Variants in TMPRSS7 observed in about 807,000 individuals in gnomAD.
TMPRSS7 encodes the protein transmembrane protease serine 7.
TMPRSS7 carries 81 observed loss-of-function variants against 95.6 expected under a neutral mutation model. The ratio of observed to expected loss-of-function variants is 0.85; its 90% CI spans 0.71 to 1.02. The LOEUF (loss-of-function observed/expected upper bound fraction) is 1.02, where lower values mean the gene tolerates loss of function less well. Ranked by LOEUF, TMPRSS7 falls within the 50% of genes least tolerant of loss-of-function variation. The pLI is 0.00. For missense variants in TMPRSS7, 945 were observed against 955.2 expected (o/e 0.99, Z 0.14); for synonymous variants, 364 against 337.8 (o/e 1.08, Z -0.85).
At chr3:112,067,998 A>C (rs968442972) in intron 13 of TMPRSS7, among the ~76,000 whole-genome samples, 26 of 152,194 alleles carry the variant, frequency 1.7e-4, no homozygotes, top group Non-Finnish European at 7.3e-5. Context: ...ATCTGGAATT[A>C]ATTTTTGTAT....
intron 9 of TMPRSS7, 72 bp from the exon 10 acceptor site, chr3:112,056,953 C>A (rs1437791924): frequency 1.8e-5 from 20 of 1,107,282 alleles, no homozygotes; most frequent in Non-Finnish European, 2.4e-5. Flanking sequence ...CTTAAAACAA[C>A]AAGCCAAGGG....
intron 14 of TMPRSS7, 27 bp from the exon 15 acceptor site, chr3:112,075,294 A>T (rs1445743714): frequency 7.3e-7 from 1 of 1,378,676 alleles, no homozygotes; most frequent in East Asian, 2.8e-5. Flanking sequence ...GTCTACCTTT[A>T]AATCACATGC....
chr3:112,059,129 G>A (rs2073470135), intron 10 of TMPRSS7, among the ~76,000 whole-genome samples: 1 of 152,188 alleles, frequency 6.6e-6, no homozygotes, highest in Admixed American at 6.5e-5. Flanking sequence ...GCTCAGGGCA[G>A]CTGGACTACG....
chr3:112,042,519 ATCT>A (rs199910927), intron 3 of TMPRSS7, among the ~76,000 whole-genome samples: 2 of 152,352 alleles, frequency 1.3e-5, no homozygotes, highest in East Asian at 1.9e-4. Flanking sequence ...AAAAACTAAC[ATCT>A]TCTTTAATGT....
intron 10 of TMPRSS7, 103 bp from the exon 11 acceptor site, chr3:112,061,684 T>C: frequency 2.3e-6 from 3 of 1,323,700 alleles, no homozygotes; most frequent in East Asian, 5.0e-5. Flanking sequence ...GCATCTCTGT[T>C]TGTGAAAACC....
At chr3:112,067,766 C>T (rs9862316) in intron 13 of TMPRSS7, among the ~76,000 whole-genome samples, 10,554 of 152,198 alleles carry the variant, frequency 0.069, 471 homozygotes, top group Non-Finnish European at 0.11. Context: ...AACATTTTCT[C>T]CCATTCTGTA....
At chr3:112,056,939 T>C in intron 9 of TMPRSS7, 86 bp from the exon 10 acceptor site, 2 of 896,498 alleles carry the variant, frequency 2.2e-6, no homozygotes, top group Non-Finnish European at 3.5e-6. Flanking sequence ...GCAAGTAGAA[T>C]GGCCTTAAAA....
chr3:112,034,748 T>G, upstream of TMPRSS7: 1 of 674,966 alleles, frequency 1.5e-6, no homozygotes, highest in Non-Finnish European at 2.7e-6. Flanking sequence ...CTAGCTTGAA[T>G]GCGGTGACGG....
chr3:112,047,665 A>G, intron 6 of TMPRSS7, 74 bp from the exon 7 acceptor site: 1 of 1,190,286 alleles, frequency 8.4e-7, no homozygotes, highest in Non-Finnish European at 1.2e-6. Flanking sequence ...TTACTTTTCT[A>G]TAAAGATTTC....
At chr3:112,051,151 A>T (rs532075745) in intron 9 of TMPRSS7, among the ~76,000 whole-genome samples, 68 of 152,336 alleles carry the variant, frequency 4.5e-4, no homozygotes, top group Non-Finnish European at 8.2e-4. Context: ...CAATACAGTC[A>T]GCCCTCTGTA....
intron 17 of TMPRSS7, among the ~76,000 whole-genome samples, chr3:112,080,220 T>A (rs2073761001): frequency 6.6e-6 from 1 of 152,198 alleles, no homozygotes; most frequent in African/African-American, 2.4e-5. Context: ...CTGTGGAAAT[T>A]ATGTTTATAC....
rs530070470 is a variant in TMPRSS7, at chr3:112,046,164, A to G, written c.691+221A>G. 7.2e-5 allele frequency among the ~76,000 whole-genome samples: 11 copies of G among 152,346 alleles called. No individual in the cohort carries two copies. The South Asian group carries it at 2.3e-3, about 32-fold the overall frequency. On this transcript the variant is annotated intron_variant, in intron 5 of 17. Transcript: ENST00000452346. ...TAGATGTGGGGACAATATACATACG[A>G]AATTGAATGTATTACTGTGTACCTC...
intron 5 of TMPRSS7, 50 bp from the exon 6 acceptor site, chr3:112,046,924 A>T: frequency 1.4e-6 from 1 of 694,242 alleles, no homozygotes; most frequent in Non-Finnish European, 2.6e-6. Context: ...AAATTCTAAC[A>T]AAATGAAATG....
chr3:112,063,918 G>T (rs1271535901), intron 12 of TMPRSS7, among the ~76,000 whole-genome samples: 1 of 152,168 alleles, frequency 6.6e-6, no homozygotes, highest in East Asian at 1.9e-4. Context: ...TACTTTTGAT[G>T]GCTCTTTTCC....
intron 13 of TMPRSS7, 96 bp from the exon 14 acceptor site, chr3:112,074,200 C>G: frequency 1.2e-6 from 1 of 854,908 alleles, no homozygotes; most frequent in East Asian, 2.6e-5. Flanking sequence ...GTGATTAAAC[C>G]ATTTTTTATG....
chr3:112,036,524 C>T lies in TMPRSS7; in HGVS notation c.49-1548C>T, dbSNP rs546507352. Among the ~76,000 whole-genome samples, 11 of 151,694 alleles carry T rather than the reference C, an allele frequency of 7.3e-5. No individual in the cohort carries two copies. The East Asian group carries it at 2.1e-3, about 29-fold the overall frequency. On this transcript the variant is annotated intron_variant, in intron 1 of 17. Transcript: ENST00000452346. ...CAGAGGTTGCAGTGAGCCAAGATCA[C>T]TCCATTGCACTCCAGCCTGGTCAAT...
chr3:112,054,821 G>C (rs1251131951), intron 9 of TMPRSS7, among the ~76,000 whole-genome samples: 1 of 125,322 alleles, frequency 8.0e-6, no homozygotes, highest in Non-Finnish European at 1.6e-5. Context: ...CTCACTGCAA[G>C]CTCCGCCTCC....
intron 4 of TMPRSS7, among the ~76,000 whole-genome samples, chr3:112,045,159 C>G (rs1200330578): frequency 2.0e-5 from 3 of 151,974 alleles, no homozygotes; most frequent in African/African-American, 7.3e-5. Context: ...AATTTTTTTT[C>G]TTTTTTGAGA....
intron 1 of TMPRSS7, among the ~76,000 whole-genome samples, chr3:112,037,742 G>A (rs549266189): frequency 2.2e-4 from 33 of 152,080 alleles, no homozygotes; most frequent in African/African-American, 8.0e-4. Flanking sequence ...TCTCTCTTTT[G>A]TACTCTTTCT....
Sources: gnomAD v4.1 joint callset for allele counts (sites outside exome capture counted in the v4.1 genomes callset) on GRCh38, gnomAD v4.1.1 for gene constraint, MANE v1.5 for transcripts, NCBI Gene and HGNC (gene_info 2026-07-23, HGNC 2026-07-21) for gene names.